The following ARHGAP29 variants were observed in gnomAD, a reference collection of about 807,000 sequenced individuals.
The protein encoded by ARHGAP29 is rho GTPase-activating protein 29.
ARHGAP29 carries 43 observed loss-of-function variants against 122.6 expected under a neutral mutation model. That is an observed-to-expected ratio of 0.35 (90% CI 0.27 to 0.45). The LOEUF is 0.45. Ranked by LOEUF, ARHGAP29 falls within the 20% of genes least tolerant of loss-of-function variation. ARHGAP29 has a pLI of 1.00. For synonymous variants in ARHGAP29, 506 were observed against 497.1 expected (o/e 1.02, Z -0.24); for missense variants, 1,303 against 1,477.2 (o/e 0.88, Z 1.93).
chr1:94,207,877 G>T (rs1651311055), intron 5 of ARHGAP29, among the ~76,000 whole-genome samples: 1 of 151,686 alleles, frequency 6.6e-6, no homozygotes. Flanking sequence ...TAGAGACAGA[G>T]TCGCACTGGC....
At chr1:94,200,639 G>A (rs1411694) in intron 12 of ARHGAP29, among the ~76,000 whole-genome samples, 145,450 of 152,278 alleles carry the variant, frequency 0.96, 69,837 homozygotes, top group East Asian at 1. Context: ...TGGAAACACC[G>A]CAAATGTCCA....
chr1:94,233,411 T>TAGC (rs11281663), intron 1 of ARHGAP29, among the ~76,000 whole-genome samples: 2 of 151,594 alleles, frequency 1.3e-5, no homozygotes, highest in African/African-American at 4.9e-5. Context: ...GCTACCACAC[T>TAGC]AGTGAATTAC....
intron 3 of ARHGAP29, among the ~76,000 whole-genome samples, chr1:94,217,379 C>T (rs1207450905): frequency 6.6e-6 from 1 of 151,798 alleles, no homozygotes; most frequent in Non-Finnish European, 1.5e-5. Context: ...ACTAAAAATA[C>T]AAAAATTAGG....
chr1:94,183,156 C>A (rs1348809017), intron 19 of ARHGAP29, among the ~76,000 whole-genome samples: 1 of 151,976 alleles, frequency 6.6e-6, no homozygotes, highest in Non-Finnish European at 1.5e-5. Context: ...CAAAACATCA[C>A]TGTGTACTCT....
intron 22 of ARHGAP29, among the ~76,000 whole-genome samples, chr1:94,175,791 GC>G (rs1649056568): frequency 6.6e-6 from 1 of 152,076 alleles, no homozygotes; most frequent in African/African-American, 2.4e-5. Context: ...TGCAACCTCT[GC>G]CTCCTGGGTT....
chr1:94,189,776 A>G (rs1650024404), intron 13 of ARHGAP29, 150 bp downstream of exon 13: 1 of 696,146 alleles, frequency 1.4e-6, no homozygotes, highest in East Asian at 2.7e-5. Flanking sequence ...CTTTAAATAT[A>G]TCTACTTCGA....
At chr1:94,283,633 A>G in the ARHGAP29 span, among the ~76,000 whole-genome samples, 9 of 152,314 alleles carry the variant, frequency 5.9e-5, no homozygotes, top group Admixed American at 5.2e-4. Context: ...TTATTATTGC[A>G]CTCAGTTTTT....
At chr1:94,284,609 C>T in the ARHGAP29 span, among the ~76,000 whole-genome samples, 36 of 152,272 alleles carry the variant, frequency 2.4e-4, no homozygotes, top group East Asian at 6.4e-3. Flanking sequence ...CAGCAATGTT[C>T]CAGATGGAGG....
chr1:94,299,643 G>T, the ARHGAP29 span, among the ~76,000 whole-genome samples: 1 of 152,074 alleles, frequency 6.6e-6, no homozygotes, highest in Non-Finnish European at 1.5e-5. Context: ...CTCCCTGTTG[G>T]CTAGGCTGTT....
rs1047655312 is a variant in ARHGAP29, at chr1:94,210,117, A to G, written c.341-767T>C. Among the ~76,000 whole-genome samples the G allele has an allele frequency of 9.8e-5, 15 of 152,370 alleles. No homozygotes were observed. The East Asian group carries it at 2.9e-3, about 29-fold the overall frequency. ...AAAAGCCCAAACACGGTTTACCAAG[A>G]CAAAGTCTGAAAGTGGAATTGGTAA... is the stretch of plus-strand genomic sequence containing the variant. On this transcript the variant is annotated intron_variant, in intron 3 of 22. Coordinates refer to ENST00000260526, the MANE Select transcript of ARHGAP29 (RefSeq NM_004815.4).
chr1:94,305,803 T>C, the ARHGAP29 span, among the ~76,000 whole-genome samples: 1 of 152,194 alleles, frequency 6.6e-6, no homozygotes, highest in Admixed American at 6.5e-5. Flanking sequence ...TAAGAATACA[T>C]TGATGGTTCA....
chr1:94,252,438 A>C (rs1181574343), intron 1 of ARHGAP29, among the ~76,000 whole-genome samples: 1 of 152,194 alleles, frequency 6.6e-6, no homozygotes, highest in Non-Finnish European at 1.5e-5. Flanking sequence ...AAGGATAGTT[A>C]CAGTGTCGGC....
chr1:94,195,386 T>C (rs1570515783), intron 12 of ARHGAP29: 3 of 152,216 alleles, frequency 2.0e-5, no homozygotes, highest in South Asian at 2.1e-4. Context: ...CACTGTTTTT[T>C]CCTTCACAAT....
chr1:94,314,090 G>T, the ARHGAP29 span, among the ~76,000 whole-genome samples: 1 of 152,152 alleles, frequency 6.6e-6, no homozygotes, highest in East Asian at 1.9e-4. Context: ...AAACCTGCAC[G>T]TTGTGCACAT....
intron 1 of ARHGAP29, among the ~76,000 whole-genome samples, chr1:94,233,625 G>C (rs542196958): frequency 6.6e-6 from 1 of 152,102 alleles, no homozygotes; most frequent in African/African-American, 2.4e-5. Context: ...ACCTACCTGT[G>C]CAATGTCATA....
Position 94,169,957 on chromosome 1 carries a change from T to C in ARHGAP29, c.*3912A>G, listed in dbSNP as rs774027329. 1.3e-5 allele frequency among the ~76,000 whole-genome samples: 2 copies of C among 152,124 alleles called. No individual in the cohort carries two copies. The highest frequency in any genetic ancestry group is 2.4e-5 in the African/African-American group (1 of 41,434). On this transcript the variant is annotated 3_prime_UTR_variant, in exon 23 of 23. Coordinates refer to ENST00000260526, the MANE Select transcript of ARHGAP29 (RefSeq NM_004815.4). Reference sequence around the variant, plus strand: ...GCAGGCATTCATGAATCTATACTGATTTAAGTGAATGAAGGAATAGAGAAG... The same window carrying C: ...GCAGGCATTCATGAATCTATACTGACTTAAGTGAATGAAGGAATAGAGAAG...
chr1:94,265,146 G>T (rs1273766898), intron 1 of ARHGAP29, among the ~76,000 whole-genome samples: 1 of 152,192 alleles, frequency 6.6e-6, no homozygotes, highest in Non-Finnish European at 1.5e-5. Context: ...CCCTACTTCT[G>T]TTAGGTCCTT....
chr1:94,195,056 G>A (rs1327901980), intron 12 of ARHGAP29: 1 of 152,098 alleles, frequency 6.6e-6, no homozygotes, highest in Non-Finnish European at 1.5e-5. Flanking sequence ...ATTTTCTCGG[G>A]TTATATAAAA....
the ARHGAP29 span, among the ~76,000 whole-genome samples, chr1:94,309,920 C>T: frequency 6.6e-6 from 1 of 152,112 alleles, no homozygotes; most frequent in Non-Finnish European, 1.5e-5. Flanking sequence ...ATGTCTGTAG[C>T]CCAGTACTGA....
Sources: allele counts gnomAD v4.1 joint callset (sites outside exome capture counted in the v4.1 genomes callset), GRCh38; gene constraint gnomAD v4.1.1; transcripts MANE v1.5; gene names NCBI Gene and HGNC (gene_info 2026-07-23, HGNC 2026-07-21).